Variants in CASP10 observed in about 807,000 individuals in gnomAD.
CASP10 encodes caspase 10, also known as caspase-10.
CASP10 carries 41 observed loss-of-function variants against 48.5 expected under a neutral mutation model. The ratio of observed to expected loss-of-function variants is 0.85; its 90% CI spans 0.66 to 1.10. The LOEUF (loss-of-function observed/expected upper bound fraction) is 1.10, where lower values mean the gene tolerates loss of function less well. Ranked by LOEUF, CASP10 falls within the 50% of genes least tolerant of loss-of-function variation. The pLI, the probability that CASP10 is intolerant of heterozygous loss-of-function variation, is 0.00. For missense variants in CASP10, 614 were observed against 614.5 expected (o/e 1.00, Z 0.01); for synonymous variants, 232 against 238.4 (o/e 0.97, Z 0.25).
chr2:201,200,773 C>G (rs1211675900), intron 5 of CASP10: 9 of 1,171,936 alleles, frequency 7.7e-6, no homozygotes, highest in Non-Finnish European at 9.5e-6. Flanking sequence ...CCCATCTCCC[C>G]CAATGGGAAA....
In CASP10 at chr2:201,218,624, G is replaced by T; in HGVS notation, c.*883G>T. 1.0e-6 allele frequency: 1 copy of T among 985,360 alleles called. No homozygotes were observed. The highest frequency in any genetic ancestry group is 1.2e-6 in the Non-Finnish European group (1 of 829,940). The allele number at this position is 985,360 out of a possible 1,614,324, so 61.0% of individuals were successfully genotyped here. A position where few individuals can be genotyped will look rare whatever the true frequency, so the allele number is the denominator to read the frequency against. ...GCCTGGGGACCAGGTGCATTTTAAG[G>T]TTCCTTGGTGTTCAAAAACCACGTT... is the stretch of plus-strand genomic sequence containing the variant. On this transcript the variant is annotated 3_prime_UTR_variant, in exon 10 of 10. Coordinates refer to ENST00000286186, the MANE Select transcript of CASP10 (RefSeq NM_032977.4).
rs571319699 is a variant in CASP10, at chr2:201,213,021, A to G, written c.1415+3459A>G. ...GAGTTCTTTTTGTGAGGGTTGATAA[A>G]GGTAATAATAATTGGTAAGGTTAAG... is the stretch of plus-strand genomic sequence containing the variant. On this transcript the variant is annotated intron_variant, in intron 9 of 9. Coordinates refer to ENST00000286186, the MANE Select transcript of CASP10 (RefSeq NM_032977.4). 2.0e-5 allele frequency: 3 copies of G among 152,298 alleles called. No homozygotes were observed. The South Asian group carries it at 6.2e-4, about 32-fold the overall frequency. The allele number at this position is 152,298 out of a possible 1,614,324, so 9.4% of individuals were successfully genotyped here. A position where few individuals can be genotyped will look rare whatever the true frequency, so the allele number is the denominator to read the frequency against.
At chr2:201,185,191 G>A (rs1303575073) in intron 1 of CASP10, among the ~76,000 whole-genome samples, 3 of 151,962 alleles carry the variant, frequency 2.0e-5, no homozygotes, top group African/African-American at 4.8e-5. Flanking sequence ...ACCAGGTCTC[G>A]CCATGTTGCT....
At chr2:201,205,855 T>C (rs1290253080) in intron 6 of CASP10, 27 bp from the exon 7 acceptor site, 3 of 1,311,746 alleles carry the variant, frequency 2.3e-6, no homozygotes, top group African/African-American at 1.5e-5. Context: ...GGGAAGATAT[T>C]TGGAGTCTGA....
intron 3 of CASP10, among the ~76,000 whole-genome samples, chr2:201,190,784 T>C (rs1044190031): frequency 1.3e-5 from 2 of 150,746 alleles, no homozygotes; most frequent in Non-Finnish European, 3.0e-5. Context: ...AGCTGGAAAA[T>C]GTTTTTTTTT....
At position 201,219,823 on chromosome 2, in the gene CASP10, G is replaced by A. The variant is rs912202535; in HGVS notation, c.*2082G>A. On this transcript the variant is annotated 3_prime_UTR_variant, in exon 10 of 10. Transcript: ENST00000286186. ...GGAGATCCAAAGTCCTGTGGTTAAC[G>A]CCTTCATTTATAGATGAGGCAGCTG... The A allele has an allele frequency of 6.1e-6, 6 of 982,968 alleles. No individual in the cohort carries two copies. Among genetic ancestry groups the A allele is most frequent in the East Asian group, 1.1e-4 (1 of 8,712 alleles). 60.9% of individuals were successfully genotyped at this position (982,968 alleles called of 1,614,324 possible).
rs35491925 is a variant in CASP10, at chr2:201,192,394, AAATAATAATAATAAT to A, written c.442-573_442-559del. On this transcript the variant is annotated intron_variant, in intron 3 of 9. Coordinates refer to ENST00000286186, the MANE Select transcript of CASP10 (RefSeq NM_032977.4). ...AGACAGAGTGAGAGACTCCATCTCA[AAATAATAATAATAAT>A]AATAATAATAATAATAGCTGAATTG... Among the ~76,000 whole-genome samples, 25 of 148,920 alleles carry A rather than the reference AAATAATAATAATAAT, an allele frequency of 1.7e-4. No individual in the cohort carries two copies. In the Admixed American group the frequency reaches 1.7e-3, roughly 10 times the overall value.
At position 201,203,718 on chromosome 2, in the gene CASP10, C is replaced by A; in HGVS notation, c.685-12C>A. ...ATTCCTATGTTTCATGCCCTCCTTT[C>A]TTTTTTCTCAGCAGGAGTCCTGGCA... On this transcript the variant is annotated splice_polypyrimidine_tract_variant and intron_variant, in intron 5 of 9. Transcript: ENST00000286186. The A allele has an allele frequency of 6.2e-7, 1 of 1,612,838 alleles. No individual in the cohort carries two copies.
chr2:201,209,041 C>CT (rs377760707), intron 8 of CASP10, 29 bp from the exon 9 acceptor site: 214,689 of 1,247,790 alleles, frequency 0.17, 1,356 homozygotes, highest in Non-Finnish European at 0.19. Context: ...CTCTCTCTCT[C>CT]TTTTTTTTTT....
At chr2:201,185,138 A>G (rs1466051407) in intron 1 of CASP10, among the ~76,000 whole-genome samples, 1 of 152,114 alleles carries the variant, frequency 6.6e-6, no homozygotes, top group Non-Finnish European at 1.5e-5. Flanking sequence ...GACCACAGGC[A>G]TGTGCCACCA....
chr2:201,205,938 T>C lies in CASP10; in HGVS notation c.778T>C (p.Ser260Pro), dbSNP rs1172172384. ...GGTCTCCAGGGGGATGCAAGGAGCA[T>C]CTGCTAACACTCTAAACTCTGAAAC... is the stretch of plus-strand genomic sequence containing the variant. ...SLVSRGMQGASANTLNSETST... is the reference protein window; with the variant it reads ...SLVSRGMQGAPANTLNSETST... The change falls in exon 7 of 10, where the codon TCT becomes CCT. Residue 260 changes from serine to proline, a missense_variant. Ser to Pro is a moderately conservative substitution (Grantham distance 74, BLOSUM62 -1). Coordinates refer to ENST00000286186, the MANE Select transcript of CASP10 (RefSeq NM_032977.4). 1 of 1,613,448 alleles carries C rather than the reference T, an allele frequency of 6.2e-7. No individual in the cohort carries two copies. Among genetic ancestry groups the C allele is most frequent in the South Asian group, 1.1e-5 (1 of 91,070 alleles).
At chr2:201,208,682 G>GC (rs1553581886) in intron 8 of CASP10, among the ~76,000 whole-genome samples, 2 of 150,262 alleles carry the variant, frequency 1.3e-5, no homozygotes, top group Non-Finnish European at 3.0e-5. Context: ...CATTGTTTCA[G>GC]TTTTTTTTTT....
chr2:201,208,113 C>A lies in CASP10; in HGVS notation c.852C>A (p.Gly284=), dbSNP rs1945269712. 1.2e-6 allele frequency: 2 copies of A among 1,613,936 alleles called. No homozygotes were observed. The highest frequency in any genetic ancestry group is 4.5e-5 in the East Asian group (2 of 44,882). Residue 284 remains glycine, a synonymous_variant, in exon 8 of 10, where the codon GGC becomes GGA. Transcript: ENST00000286186. ...AVYRMNRNHR[G]LCVIVNNHSF... ...ACAGGATGAATCGGAACCACAGAGGCCTCTGTGTCATTGTCAACAACCACA... is the reference window on the plus strand; with the variant it reads ...ACAGGATGAATCGGAACCACAGAGGACTCTGTGTCATTGTCAACAACCACA...
chr2:201,197,804 G>A (rs1382678611), intron 5 of CASP10, among the ~76,000 whole-genome samples: 1 of 152,152 alleles, frequency 6.6e-6, no homozygotes, highest in African/African-American at 2.4e-5. Context: ...TTTTAATAAC[G>A]CTGCTGTGAA....
At position 201,205,900 on chromosome 2, in the gene CASP10, G is replaced by C; in HGVS notation, c.740G>C (p.Gly247Ala). ...AGSNGNRATN[G>A]APSLVSRGMQ... The stretch of plus-strand genomic sequence containing the variant: ...TTTCTAGGTAACAGAGCCACAAATG[G>C]TGCACCAAGCCTGGTCTCCAGGGGG... The change falls in exon 7 of 10, where the codon GGT becomes GCT. Residue 247 changes from glycine to alanine, a missense_variant. Gly to Ala is a moderately conservative substitution (Grantham distance 60). Transcript: ENST00000286186. 6.2e-7 allele frequency: 1 copy of C among 1,611,188 alleles called. No homozygotes were observed. The highest frequency in any genetic ancestry group is 8.5e-7 in the Non-Finnish European group (1 of 1,177,372).
Position 201,219,863 on chromosome 2 carries a change from G to A in CASP10, c.*2122G>A. ...TGAGGCAGCTGAGGCCTGGGGATGT[G>A]AACAACCTGCTCACAGTCCTCATTT... is the stretch of plus-strand genomic sequence containing the variant. On this transcript the variant is annotated 3_prime_UTR_variant, in exon 10 of 10. Transcript: ENST00000286186. 1 of 985,418 alleles carries A rather than the reference G, an allele frequency of 1.0e-6. No individual in the cohort carries two copies. The highest frequency in any genetic ancestry group is 1.2e-6 in the Non-Finnish European group (1 of 829,942). 61.0% of individuals were successfully genotyped at this position (985,418 alleles called of 1,614,324 possible).
chr2:201,208,763 C>T (rs1049000196), intron 8 of CASP10, among the ~76,000 whole-genome samples: 10 of 152,130 alleles, frequency 6.6e-5, no homozygotes, highest in Non-Finnish European at 1.2e-4. Flanking sequence ...ACTGCAACCT[C>T]TGCCTCCCAG....
intron 5 of CASP10, among the ~76,000 whole-genome samples, chr2:201,202,911 G>T (rs947253759): frequency 6.6e-6 from 1 of 152,176 alleles, no homozygotes; most frequent in South Asian, 2.1e-4. Flanking sequence ...GTGCATCCTT[G>T]CCTCTCCTCC....
Position 201,217,673 on chromosome 2 carries a change from C to A in CASP10, c.1501C>A (p.Pro501Thr), listed in dbSNP as rs1422860556. ...VDKQGTKKQMPQPAFTLRKKL... is the reference protein window; with the variant it reads ...VDKQGTKKQMTQPAFTLRKKL... ...CAAACAGGGAACAAAGAAACAGATG[C>A]CCCAGCCTGCTTTCACACTAAGGAA... The change falls in exon 10 of 10, where the codon CCC (proline) becomes ACC (threonine). Residue 501 changes from proline to threonine, a missense_variant. Transcript: ENST00000286186. 2.5e-6 allele frequency: 4 copies of A among 1,613,954 alleles called. No individual in the cohort carries two copies. Among genetic ancestry groups the A allele is most frequent in the Non-Finnish European group, 3.4e-6 (4 of 1,179,938 alleles).
Sources: gnomAD v4.1 joint callset for allele counts (sites outside exome capture counted in the v4.1 genomes callset) on GRCh38, gnomAD v4.1.1 for gene constraint, MANE v1.5 for transcripts, NCBI Gene and HGNC (gene_info 2026-07-23, HGNC 2026-07-21) for gene names.